The following QDPR variants were observed in gnomAD, a reference collection of about 807,000 sequenced individuals.
QDPR encodes dihydropteridine reductase.
Under a neutral mutation model 31.7 loss-of-function variants are expected in QDPR, and 23 were observed. That is an observed-to-expected ratio of 0.73 (90% CI 0.52 to 1.03). QDPR has a LOEUF of 1.03. Ranked by LOEUF, QDPR falls within the 50% of genes least tolerant of loss-of-function variation. QDPR has a pLI of 0.00. For synonymous variants in QDPR, 124 were observed against 124.7 expected, an observed-to-expected ratio of 0.99 and a Z score of 0.03; for missense variants, 324 against 323.8, an observed-to-expected ratio of 1.00 and a Z score of 0.00.
chr4:17,497,411 T>C (rs1718404848), intron 4 of QDPR, among the ~76,000 whole-genome samples: 1 of 150,762 alleles, frequency 6.6e-6, no homozygotes, highest in Non-Finnish European at 1.5e-5. Context: ...AGAGGTGGAC[T>C]CACCCCCACC....
In QDPR at chr4:17,487,038, C is replaced by T; in HGVS notation, c.*93G>A. The stretch of plus-strand genomic sequence containing the variant: ...AGGACTCATTATCTCGTACCACAAA[C>T]AGGGGTTACAGAAAACACAAGGCTG... On this transcript the variant is annotated 3_prime_UTR_variant, in exon 7 of 7. Transcript: ENST00000281243. The T allele has an allele frequency of 2.1e-6, 2 of 966,528 alleles. No homozygotes were observed. The highest frequency in any genetic ancestry group is 1.3e-5 in the South Asian group (1 of 76,620). The allele number at this position is 966,528 out of a possible 1,614,324, so 59.9% of individuals were successfully genotyped here. A position where few individuals can be genotyped will look rare whatever the true frequency, so the allele number is the denominator to read the frequency against.
chr4:17,508,095 T>A (rs905762782), intron 2 of QDPR, among the ~76,000 whole-genome samples: 3 of 152,238 alleles, frequency 2.0e-5, no homozygotes, highest in African/African-American at 4.8e-5. Context: ...TTGTTAGTGT[T>A]CCTGCTGTGA....
chr4:17,508,985 C>T (rs1382446072), intron 2 of QDPR, among the ~76,000 whole-genome samples: 4 of 152,042 alleles, frequency 2.6e-5, no homozygotes, highest in Non-Finnish European at 5.9e-5. Flanking sequence ...GGTGAAACCC[C>T]GTCTCTACTG....
chr4:17,511,856 C>G (rs1577197545), intron 1 of QDPR, 94 bp downstream of exon 1: 3 of 1,354,966 alleles, frequency 2.2e-6, no homozygotes, highest in East Asian at 2.6e-5. Flanking sequence ...GCACAGGGGC[C>G]CCCACCTTCC....
intron 2 of QDPR, among the ~76,000 whole-genome samples, chr4:17,507,011 G>T (rs1718810327): frequency 6.6e-6 from 1 of 152,162 alleles, no homozygotes; most frequent in South Asian, 2.1e-4. Flanking sequence ...AACTATAAAT[G>T]ATTTCCCTTT....
At chr4:17,506,142 G>GT (rs1488841181) in intron 2 of QDPR, among the ~76,000 whole-genome samples, 1 of 152,060 alleles carries the variant, frequency 6.6e-6, no homozygotes, top group African/African-American at 2.4e-5. Flanking sequence ...TTTTTTGTTT[G>GT]TTTTTTAGAG....
intron 2 of QDPR, among the ~76,000 whole-genome samples, chr4:17,505,496 C>G (rs1718755501): frequency 6.6e-6 from 1 of 152,164 alleles, no homozygotes; most frequent in Non-Finnish European, 1.5e-5. Flanking sequence ...ATTCGCCTGC[C>G]TCGGCCTCTC....
chr4:17,494,249 T>C (rs554548889), intron 4 of QDPR, among the ~76,000 whole-genome samples: 1 of 152,320 alleles, frequency 6.6e-6, no homozygotes, highest in South Asian at 2.1e-4. Flanking sequence ...TTTCATCAGC[T>C]TGAACAATCA....
chr4:17,493,588 C>T (rs1718247290), intron 4 of QDPR, among the ~76,000 whole-genome samples: 1 of 152,010 alleles, frequency 6.6e-6, no homozygotes, highest in South Asian at 2.1e-4. Flanking sequence ...TTTATAGTTA[C>T]TGGTTTATTA....
intron 2 of QDPR, among the ~76,000 whole-genome samples, chr4:17,508,660 A>G (rs972737723): frequency 1.3e-5 from 2 of 151,348 alleles, no homozygotes; most frequent in Non-Finnish European, 2.9e-5. Flanking sequence ...AAAGCTTACC[A>G]TAAACTATAA....
At chr4:17,508,239 C>A (rs1266669286) in intron 2 of QDPR, among the ~76,000 whole-genome samples, 3 of 152,126 alleles carry the variant, frequency 2.0e-5, no homozygotes, top group South Asian at 4.2e-4. Flanking sequence ...AAGTTCGAGA[C>A]CAGCCTGGCC....
At chr4:17,500,627 G>A (rs1178426144) in intron 4 of QDPR, among the ~76,000 whole-genome samples, 1 of 152,182 alleles carries the variant, frequency 6.6e-6, no homozygotes, top group Non-Finnish European at 1.5e-5. Context: ...TTCAGAAGGA[G>A]CCAGCCCTGC....
At chr4:17,509,460 T>C in intron 1 of QDPR, 97 bp from the exon 2 acceptor site, 1 of 1,070,440 alleles carries the variant, frequency 9.3e-7, no homozygotes, top group South Asian at 1.3e-5. Flanking sequence ...GGTGTAGTGG[T>C]TCACGTCTGT....
chr4:17,496,085 T>A (rs1718341160), intron 4 of QDPR, among the ~76,000 whole-genome samples: 1 of 151,456 alleles, frequency 6.6e-6, no homozygotes, highest in Non-Finnish European at 1.5e-5. Flanking sequence ...GAGCAATAGG[T>A]GGGTTTCTCA....
At chr4:17,506,592 G>A (rs1320319952) in intron 2 of QDPR, among the ~76,000 whole-genome samples, 1 of 152,204 alleles carries the variant, frequency 6.6e-6, no homozygotes, top group Non-Finnish European at 1.5e-5. Context: ...GGGCCTTTCT[G>A]TGCCTCAGTT....
At chr4:17,509,919 C>G (rs1718945009) in intron 1 of QDPR, 1 of 455,728 alleles carries the variant, frequency 2.2e-6, no homozygotes, top group Non-Finnish European at 4.4e-6. Flanking sequence ...CTGTAAAGGG[C>G]CAGATCACAA....
chr4:17,494,783 T>G (rs1260641845), intron 4 of QDPR, among the ~76,000 whole-genome samples: 1 of 152,174 alleles, frequency 6.6e-6, no homozygotes, highest in Non-Finnish European at 1.5e-5. Flanking sequence ...ATTCAAAAAG[T>G]GCAGCCCTAA....
At chr4:17,509,842 C>T (rs1237724566) in intron 1 of QDPR, 5 of 413,382 alleles carry the variant, frequency 1.2e-5, no homozygotes, top group African/African-American at 2.1e-5. Context: ...CACTCTACTC[C>T]GCCTCCACAT....
Position 17,501,921 on chromosome 4 carries a change from C to T in QDPR, c.296-62G>A, listed in dbSNP as rs2597776. The T allele has an allele frequency of 0.29, 461,509 of 1,607,270 alleles. 70,495 individuals carry two copies. Among genetic ancestry groups the T allele is most frequent in the South Asian group, 0.37 (33,809 of 90,692 alleles). ...GAAAGAAACCAAAAGGTGAGCTCAA[C>T]TCATGCAGCCCCACACTCAGGGAGG... On this transcript the variant is annotated intron_variant, in intron 3 of 6. Coordinates refer to ENST00000281243, the MANE Select transcript of QDPR (RefSeq NM_000320.3).
Sources: allele counts gnomAD v4.1 joint callset (sites outside exome capture counted in the v4.1 genomes callset), GRCh38; gene constraint gnomAD v4.1.1; transcripts MANE v1.5; gene names NCBI Gene and HGNC (gene_info 2026-07-23, HGNC 2026-07-21).